IK: variants seen among roughly 807,000 people sequenced by gnomAD.
IK encodes IK cytokine.
In IK, 47 loss-of-function variants were observed where a neutral mutation model predicts 90.9. The ratio of observed to expected loss-of-function variants is 0.52; its 90% CI spans 0.41 to 0.66. The LOEUF (loss-of-function observed/expected upper bound fraction) is 0.66. Among genes scored for constraint, IK ranks in the 30% least tolerant of loss-of-function variants. IK has a pLI of 0.00. For missense variants in IK, 385 were observed against 709.3 expected (o/e 0.54, Z 5.19); for synonymous variants, 201 against 227.5 (o/e 0.88, Z 1.05).
chr5:140,649,931 A>G (rs1461287427), intron 2 of IK, among the ~76,000 whole-genome samples: 2 of 152,206 alleles, frequency 1.3e-5, no homozygotes, highest in African/African-American at 4.8e-5. Context: ...AAATGATATT[A>G]TGCTGTATAT....
intron 2 of IK, among the ~76,000 whole-genome samples, chr5:140,650,548 C>T (rs189512510): frequency 2.6e-4 from 39 of 152,226 alleles, no homozygotes; most frequent in Non-Finnish European, 5.0e-4. Context: ...AGCTAATAAA[C>T]GCTTAGTCTG....
intron 2 of IK, 116 bp downstream of exon 2, chr5:140,648,653 G>A: frequency 5.8e-6 from 6 of 1,027,526 alleles, no homozygotes; most frequent in Non-Finnish European, 9.1e-6. Context: ...AATTATACCC[G>A]CTGGCCCTTT....
At chr5:140,648,626 C>A in intron 2 of IK, 89 bp downstream of exon 2, 1 of 1,292,138 alleles carries the variant, frequency 7.7e-7, no homozygotes, top group Non-Finnish European at 1.1e-6. Context: ...AATGTCTTGT[C>A]ATCAAGGATG....
intron 5 of IK, 90 bp from the exon 6 acceptor site, chr5:140,653,848 C>T: frequency 1.4e-6 from 1 of 739,228 alleles, no homozygotes; most frequent in Non-Finnish European, 2.3e-6. Flanking sequence ...TGTGATCTGT[C>T]CGCCTTGACC....
Position 140,658,968 on chromosome 5 carries a change from C to T in IK, c.980C>T (p.Pro327Leu), listed in dbSNP as rs757405368. The T allele has an allele frequency of 8.1e-6, 13 of 1,613,676 alleles. No individual in the cohort carries two copies. Among genetic ancestry groups the T allele is most frequent in the African/African-American group, 5.3e-5 (4 of 74,834 alleles). The change falls in exon 12 of 20, where the codon CCC becomes CTC. Residue 327 changes from proline to leucine, a missense_variant. Pro to Leu is a moderately conservative substitution (Grantham distance 98). This residue lies in a region of IK where 139 missense variants were observed against 172.0 expected (regional missense o/e 0.81). Transcript: ENST00000417647. Reference protein sequence around the residue: ...NIFEDIGDYVPSTTKTPRDKE... With the variant: ...NIFEDIGDYVLSTTKTPRDKE... ...TTTGAAGACATTGGGGATTACGTACCCTCCACAACCAAGACACCTCGGGAC... is the reference window on the plus strand; with the variant it reads ...TTTGAAGACATTGGGGATTACGTACTCTCCACAACCAAGACACCTCGGGAC...
intron 1 of IK, 63 bp from the exon 2 acceptor site, chr5:140,648,408 A>C (rs1019574908): frequency 2.8e-5 from 42 of 1,491,984 alleles, no homozygotes; most frequent in Non-Finnish European, 1.4e-5. Flanking sequence ...CTATATCTCA[A>C]ATTTTTGCAT....
In IK at chr5:140,654,811, T is replaced by A; in HGVS notation, c.637+84T>A. 3.3e-6 allele frequency: 3 copies of A among 903,902 alleles called. No individual in the cohort carries two copies. In the South Asian group the frequency reaches 4.6e-5, roughly 14 times the overall value. The allele number at this position is 903,902 out of a possible 1,614,324, so 56.0% of individuals were successfully genotyped here. ...TGCTCTGGGAAGGATATGCTTCTCC[T>A]TTCCCCCAACCTCCTTTCTTCTTTC... On this transcript the variant is annotated intron_variant, in intron 8 of 19. Coordinates refer to ENST00000417647, the MANE Select transcript of IK (RefSeq NM_006083.4).
At chr5:140,648,375 CT>C (rs1348140934) in intron 1 of IK, 95 bp from the exon 2 acceptor site, 1 of 1,089,434 alleles carries the variant, frequency 9.2e-7, no homozygotes, top group Admixed American at 1.7e-5. Context: ...GCTGTTCTAA[CT>C]TTTGTTCTGT....
rs182472436 is a variant in IK, at chr5:140,649,779, C to T, written c.83+1242C>T. On this transcript the variant is annotated intron_variant, in intron 2 of 19. Transcript: ENST00000417647. ...AACTCCTGACCTCAAATGATCTGCC[C>T]GTCTCGGCGGCCCAAAGTGCTGGGA... Among the ~76,000 whole-genome samples the T allele has an allele frequency of 2.5e-3, 382 of 152,124 alleles. 2 individuals are homozygous for T. Among genetic ancestry groups the T allele is most frequent in the African/African-American group, 8.8e-3 (367 of 41,490 alleles).
chr5:140,660,719 A>G, intron 15 of IK, 39 bp from the exon 16 acceptor site: 2 of 1,538,822 alleles, frequency 1.3e-6, no homozygotes, highest in Non-Finnish European at 1.8e-6. Context: ...GCATAGGGTC[A>G]GGGTATGCAA....
In IK at chr5:140,655,543, A is replaced by G. The variant is rs2149806828; in HGVS notation, c.638-286A>G. Among the ~76,000 whole-genome samples, 4 of 152,348 alleles carry G rather than the reference A, an allele frequency of 2.6e-5. No homozygotes were observed. In the Middle Eastern group the frequency reaches 0.01, roughly 389 times the overall value. On this transcript the variant is annotated intron_variant, in intron 8 of 19. Coordinates refer to ENST00000417647, the MANE Select transcript of IK (RefSeq NM_006083.4). ...GGTGCATAGTGCCCTTGAAGAGGCA[A>G]TGTAGAAGAGTGGACAGGAGCCCAG...
At chr5:140,658,163 G>A (rs894123918) in intron 10 of IK, among the ~76,000 whole-genome samples, 2 of 151,566 alleles carry the variant, frequency 1.3e-5, no homozygotes, top group East Asian at 1.9e-4. Context: ...GCATCACCAC[G>A]CCTGGCTAAT....
In IK at chr5:140,652,083, T is replaced by C. The variant is rs767282286; in HGVS notation, c.177-5T>C. 17 of 1,612,466 alleles carry C rather than the reference T, an allele frequency of 1.1e-5. No homozygotes were observed. The highest frequency in any genetic ancestry group is 9.3e-5 in the African/African-American group (7 of 74,880). ...TGCTATCAGTGAATTTCTCGTCTCT[T>C]CTAGGATGCCAAGGGAGTACAATGA... On this transcript the variant is annotated splice_polypyrimidine_tract_variant and splice_region_variant and intron_variant, in intron 3 of 19. Coordinates refer to ENST00000417647, the MANE Select transcript of IK (RefSeq NM_006083.4).
At chr5:140,649,235 G>A (rs1263817911) in intron 2 of IK, among the ~76,000 whole-genome samples, 1 of 144,572 alleles carries the variant, frequency 6.9e-6, no homozygotes, top group African/African-American at 2.6e-5. Flanking sequence ...TTTTGAGACG[G>A]AGTCTCACTG....
chr5:140,655,929 G>C lies in IK; in HGVS notation c.738G>C (p.Glu246Asp), dbSNP rs1297395608. The change falls in exon 9 of 20, where the codon GAG becomes GAC. Residue 246 changes from glutamate (E) to aspartate (D), a missense_variant. Coordinates refer to ENST00000417647, the MANE Select transcript of IK (RefSeq NM_006083.4). ...CCTATGTGGTAGACCTGGATGATGA[G>C]TATGCTGACACAGATATCCCCACCA... Reference protein sequence around the residue: ...RMAYVVDLDDEYADTDIPTTL... With the variant: ...RMAYVVDLDDDYADTDIPTTL... 6.4e-7 allele frequency: 1 copy of C among 1,574,348 alleles called. No individual in the cohort carries two copies. Among genetic ancestry groups the C allele is most frequent in the Admixed American group, 1.9e-5 (1 of 53,548 alleles).
At chr5:140,647,956 C>T in intron 1 of IK, 32 bp downstream of exon 1, 1 of 1,612,292 alleles carries the variant, frequency 6.2e-7, no homozygotes, top group South Asian at 1.1e-5. Context: ...ATTTCTTCCC[C>T]ATGGCACTTG....
chr5:140,660,997 A>G, intron 16 of IK, 182 bp downstream of exon 16: 1 of 515,700 alleles, frequency 1.9e-6, no homozygotes, highest in Non-Finnish European at 3.5e-6. Context: ...TCTTTGCACA[A>G]GATCAAATGA....
At position 140,656,063 on chromosome 5, in the gene IK, G is replaced by T. The variant is rs561839762; in HGVS notation, c.801+71G>T. The T allele has an allele frequency of 6.4e-4, 906 of 1,426,256 alleles. 19 individuals carry two copies. In the South Asian group the frequency reaches 0.011, roughly 17 times the overall value. 88.4% of individuals were successfully genotyped at this position (1,426,256 alleles called of 1,614,324 possible). A position where few individuals can be genotyped will look rare whatever the true frequency, so the allele number is the denominator to read the frequency against. Reference sequence around the variant, plus strand: ...TGGGAATCAGCCTGGCCTCTGCCCCGTGTCCCTTGTCCACCATGTCACCAA... The same window carrying T: ...TGGGAATCAGCCTGGCCTCTGCCCCTTGTCCCTTGTCCACCATGTCACCAA... On this transcript the variant is annotated intron_variant, in intron 9 of 19. Transcript: ENST00000417647.
At chr5:140,649,165 C>G (rs966657154) in intron 2 of IK, among the ~76,000 whole-genome samples, 44 of 150,286 alleles carry the variant, frequency 2.9e-4, no homozygotes, top group African/African-American at 1.1e-3. Context: ...GATAACATCC[C>G]CAATTCCAGT....
Sources: allele counts gnomAD v4.1 joint callset (sites outside exome capture counted in the v4.1 genomes callset), GRCh38; gene constraint gnomAD v4.1.1; regional missense constraint gnomAD v4.1.1; transcripts MANE v1.5; gene names NCBI Gene and HGNC (gene_info 2026-07-23, HGNC 2026-07-21).